The following RIF1 variants were observed in gnomAD, a reference collection of about 807,000 sequenced individuals.
RIF1 encodes replication timing regulatory factor 1.
RIF1 carries 45 observed loss-of-function variants against 247.1 expected under a neutral mutation model. That is an observed-to-expected ratio of 0.18 (90% CI 0.14 to 0.23). The LOEUF (loss-of-function observed/expected upper bound fraction) is 0.23, where lower values mean the gene tolerates loss of function less well. Among genes scored for constraint, RIF1 ranks in the 10% least tolerant of loss-of-function variants. RIF1 has a pLI of 1.00. For missense variants in RIF1, 2,967 were observed against 2,862.5 expected, an observed-to-expected ratio of 1.04 and a Z score of -0.83; for synonymous variants, 1,087 against 978.8, an observed-to-expected ratio of 1.11 and a Z score of -2.06.
chr2:151,445,984 G>A (rs756958336), intron 19 of RIF1, among the ~76,000 whole-genome samples: 4 of 152,106 alleles, frequency 2.6e-5, no homozygotes, highest in Non-Finnish European at 4.4e-5. Flanking sequence ...TCTGGGATGT[G>A]GGGGAAAGGT....
In RIF1 at chr2:151,490,302, G is replaced by T. The variant is rs1455415546; in HGVS notation, c.*416-4927G>T. ...TTTTAAATTTGTTTTTGTACTCAAA[G>T]CATCTCTTATAGTAACCATCAATGA... On this transcript the variant is annotated intron_variant and NMD_transcript_variant, in intron 9 of 13. Transcript: ENST00000454583. The T allele has an allele frequency of 8.6e-6, 13 of 1,517,656 alleles. No homozygotes were observed. In the African/African-American group the frequency reaches 1.7e-4, roughly 19 times the overall value. The allele number at this position is 1,517,656 out of a possible 1,614,324, so 94.0% of individuals were successfully genotyped here. A position where few individuals can be genotyped will look rare whatever the true frequency, so the allele number is the denominator to read the frequency against.
At position 151,464,352 on chromosome 2, in the gene RIF1, A is replaced by G. The variant is rs1266400811; in HGVS notation, c.4832A>G (p.Asp1611Gly). 1.9e-6 allele frequency: 3 copies of G among 1,610,868 alleles called. No homozygotes were observed. The highest frequency in any genetic ancestry group is 1.7e-5 in the Admixed American group (1 of 59,368). The change falls in exon 30 of 36, where the codon GAT (aspartate) becomes GGT (glycine). Residue 1611 changes from aspartate to glycine, a missense_variant. Coordinates refer to ENST00000444746, the MANE Select transcript of RIF1 (RefSeq NM_018151.5). ...GATTATAAAGCAACTTCTGAAGAAG[A>G]TGTAAGCATAAAATCTCCGATTTGC... ...SHDYKATSEE[D>G]VSIKSPICEK...
intron 23 of RIF1, among the ~76,000 whole-genome samples, 154 bp downstream of exon 23, chr2:151,456,774 C>A (rs1248986112): frequency 2.0e-5 from 3 of 152,118 alleles, no homozygotes; most frequent in African/African-American, 7.2e-5. Context: ...CTCTTGTCAC[C>A]CAAGCTGGAG....
chr2:151,527,386 T>C, the RIF1 span: 2 of 1,047,254 alleles, frequency 1.9e-6, no homozygotes, highest in Non-Finnish European at 2.8e-6. Flanking sequence ...CGAGCAAGGG[T>C]TAACACTCAT....
chr2:151,500,654 T>TG (rs2063777196), intron 11 of RIF1, among the ~76,000 whole-genome samples: 1 of 146,284 alleles, frequency 6.8e-6, no homozygotes, highest in Non-Finnish European at 1.5e-5. Flanking sequence ...TGGAGTACAG[T>TG]GGCACAATCA....
chr2:151,460,265 CT>C, intron 26 of RIF1, 146 bp downstream of exon 26: 3 of 633,720 alleles, frequency 4.7e-6, no homozygotes, highest in Non-Finnish European at 7.7e-6. Flanking sequence ...TGTAGAAAGA[CT>C]GCTAGGATAG....
At position 151,446,500 on chromosome 2, in the gene RIF1, A is replaced by G; in HGVS notation, c.2169A>G (p.Ala723=). Residue 723 remains alanine (A), a synonymous_variant, in exon 20 of 36, where the codon GCA becomes GCG. Transcript: ENST00000444746. The part of the protein sequence containing the change: ...RAFARCAALV[A]TAEENLCCEE... ...TTGCTCGTTGTGCTGCTTTGGTGGC[A>G]ACAGCAGAAGAGAACTTGTGCTGTG... The G allele has an allele frequency of 6.2e-7, 1 of 1,613,728 alleles. No individual in the cohort carries two copies. Among genetic ancestry groups the G allele is most frequent in the Non-Finnish European group, 8.5e-7 (1 of 1,179,790 alleles).
chr2:151,449,493 G>A (rs2152427656), intron 20 of RIF1, among the ~76,000 whole-genome samples: 1 of 151,862 alleles, frequency 6.6e-6, no homozygotes, highest in Non-Finnish European at 1.5e-5. Flanking sequence ...TGCCCAAGCT[G>A]GAGTATAGTG....
intron 10 of RIF1, among the ~76,000 whole-genome samples, chr2:151,433,432 C>CTGAAA (rs1371929745): frequency 6.6e-6 from 1 of 151,928 alleles, no homozygotes; most frequent in Non-Finnish European, 1.5e-5. Flanking sequence ...GCCCCTTTAC[C>CTGAAA]TGAAATGTTT....
At chr2:151,443,435 T>C in intron 17 of RIF1, 94 bp from the exon 18 acceptor site, 1 of 1,377,796 alleles carries the variant, frequency 7.3e-7, no homozygotes, top group South Asian at 1.4e-5. Flanking sequence ...AAAAAATTCG[T>C]TAACTTTTTG....
At chr2:151,433,678 C>T (rs1211455273) in intron 10 of RIF1, among the ~76,000 whole-genome samples, 3 of 151,986 alleles carry the variant, frequency 2.0e-5, no homozygotes, top group East Asian at 3.9e-4. Flanking sequence ...TGGTCTCGCA[C>T]TCCTGGCCTC....
At chr2:151,499,749 G>T (rs987251261) in intron 11 of RIF1, among the ~76,000 whole-genome samples, 1 of 152,154 alleles carries the variant, frequency 6.6e-6, no homozygotes, top group South Asian at 2.1e-4. Context: ...TACAAAAAGC[G>T]TTTGTCTTAC....
chr2:151,531,900 A>T, the RIF1 span: 1 of 1,533,630 alleles, frequency 6.5e-7, no homozygotes, highest in Non-Finnish European at 8.8e-7. Context: ...ATTTGATCTA[A>T]ATTGTGGAAG....
chr2:151,463,649 A>G lies in RIF1; in HGVS notation c.4129A>G (p.Asn1377Asp). The G allele has an allele frequency of 1.2e-6, 2 of 1,613,862 alleles. No homozygotes were observed. The highest frequency in any genetic ancestry group is 1.6e-4 in the Middle Eastern group (1 of 6,062). The change falls in exon 30 of 36, where the codon AAT becomes GAT. Residue 1377 changes from asparagine (N) to aspartate (D), a missense_variant. Transcript: ENST00000444746. The stretch of plus-strand genomic sequence containing the variant: ...GGAAACTAATACTGTAGAGGAGAAA[A>G]ATGTAGAAATTAATTTGGAATCCAA... ...LLETNTVEEKNVEINLESKEN... is the reference protein window; with the variant it reads ...LLETNTVEEKDVEINLESKEN...
At chr2:151,502,873 C>A in intron 11 of RIF1, 2 of 1,597,212 alleles carry the variant, frequency 1.3e-6, no homozygotes, top group East Asian at 2.2e-5. Flanking sequence ...CCCAAATTTT[C>A]TTTGTACAAA....
chr2:151,476,989 C>T lies in RIF1; in HGVS notation c.*1918C>T, dbSNP rs930933311. 2 of 152,142 alleles carry T rather than the reference C, an allele frequency of 1.3e-5. No homozygotes were observed. Among genetic ancestry groups the T allele is most frequent in the Non-Finnish European group, 2.9e-5 (2 of 68,022 alleles). The allele number at this position is 152,142 out of a possible 1,614,324, so 9.4% of individuals were successfully genotyped here. ...TTCTTGGGAAGCCGAACAGTAATAG[C>T]AGAAAATGTGACCAAATGAGTATCA... On this transcript the variant is annotated 3_prime_UTR_variant, in exon 36 of 36. Transcript: ENST00000444746.
Position 151,461,141 on chromosome 2 carries a change from A to G in RIF1, c.3079A>G (p.Lys1027Glu). ...GCTTATTTTTTCAAATCTGCAGCTG[A>G]AACTTGAATCTTCGTCTTTAAAAGT... is the stretch of plus-strand genomic sequence containing the variant. The part of the protein sequence containing the change: ...KENMKPAAKL[K>E]LESSSLKVKG... The change falls in exon 27 of 36, where the codon AAA becomes GAA. Residue 1027 changes from lysine to glutamate, a missense_variant. By Grantham distance (56) the Lys-to-Glu change is moderately conservative (BLOSUM62 1). Around this residue, in one of 7 missense-constraint regions of RIF1, gnomAD observed 2,028 missense variants for 1,825.6 expected, o/e 1.11. Transcript: ENST00000444746. 6.2e-7 allele frequency: 1 copy of G among 1,602,590 alleles called. No individual in the cohort carries two copies. The highest frequency in any genetic ancestry group is 2.2e-5 in the East Asian group (1 of 44,750).
In RIF1 at chr2:151,463,775, A is replaced by G; in HGVS notation, c.4255A>G (p.Arg1419Gly). 2 of 1,613,942 alleles carry G rather than the reference A, an allele frequency of 1.2e-6. No homozygotes were observed. The highest frequency in any genetic ancestry group is 1.3e-5 in the African/African-American group (1 of 75,032). The change falls in exon 30 of 36, where the codon AGG becomes GGG. Residue 1419 changes from arginine (R) to glycine (G), a missense_variant. By Grantham distance (125) the Arg-to-Gly change is moderately radical. This residue lies in a region of RIF1 where 2,028 missense variants were observed against 1,825.6 expected (regional missense o/e 1.11). Coordinates refer to ENST00000444746, the MANE Select transcript of RIF1 (RefSeq NM_018151.5). ...TCAGAAAACCCTTAGACGGTCTTCA[A>G]GGCGACGTTCAGAAGTAGTAGAGTC... ...PNQKTLRRSSRRRSEVVESTT... is the reference protein window; with the variant it reads ...PNQKTLRRSSGRRSEVVESTT...
chr2:151,425,311 T>A (rs1688854638), intron 8 of RIF1, among the ~76,000 whole-genome samples: 1 of 152,148 alleles, frequency 6.6e-6, no homozygotes, highest in African/African-American at 2.4e-5. Flanking sequence ...GTTTTGTGAT[T>A]TGCAAATATT....
Sources: gnomAD v4.1 joint callset for allele counts (sites outside exome capture counted in the v4.1 genomes callset) on GRCh38, gnomAD v4.1.1 for gene constraint, gnomAD v4.1.1 regional missense constraint, MANE v1.5 for transcripts, NCBI Gene and HGNC (gene_info 2026-07-23, HGNC 2026-07-21) for gene names.